Variants in PPFIA2 observed in about 807,000 individuals in gnomAD.
PPFIA2 encodes PPFI scaffold protein A2, also known as liprin-alpha-2.
Under a neutral mutation model 175.5 loss-of-function variants are expected in PPFIA2, and 46 were observed. That is an observed-to-expected ratio of 0.26 (90% confidence interval 0.21 to 0.34). The LOEUF (loss-of-function observed/expected upper bound fraction) is 0.34, where lower values mean the gene tolerates loss of function less well. Among genes scored for constraint, PPFIA2 ranks in the 10% least tolerant of loss-of-function variants. PPFIA2 has a pLI of 1.00. For synonymous variants in PPFIA2, 568 were observed against 511.4 expected (o/e 1.11, Z -1.49); for missense variants, 1,179 against 1,506.1 (o/e 0.78, Z 3.60).
At chr12:81,707,323 A>G (rs972517849) in intron 3 of PPFIA2, among the ~76,000 whole-genome samples, 2 of 152,230 alleles carry the variant, frequency 1.3e-5, no homozygotes, top group Admixed American at 1.3e-4. Context: ...ACAAATTTAC[A>G]AGAAAAAAAC....
intron 4 of PPFIA2, among the ~76,000 whole-genome samples, chr12:81,639,620 GT>G (rs2064670055): frequency 7.2e-6 from 1 of 139,546 alleles, no homozygotes; most frequent in Admixed American, 7.3e-5. Context: ...CAGGTGAAAT[GT>G]TTTTAGATTT....
chr12:81,731,249 A>C (rs1419486592), intron 3 of PPFIA2, among the ~76,000 whole-genome samples: 5 of 151,680 alleles, frequency 3.3e-5, no homozygotes, highest in Non-Finnish European at 7.4e-5. Context: ...CAGCAGTTAA[A>C]GGAAGGCTAT....
intron 3 of PPFIA2, among the ~76,000 whole-genome samples, chr12:81,707,843 T>TA (rs1223658536): frequency 3.3e-5 from 5 of 150,438 alleles, no homozygotes; most frequent in African/African-American, 1.2e-4. Context: ...TATGCAGCCA[T>TA]AAAAAATGAT....
At chr12:81,276,089 C>T (rs1007636931) in intron 28 of PPFIA2, among the ~76,000 whole-genome samples, 3 of 151,968 alleles carry the variant, frequency 2.0e-5, no homozygotes, top group Non-Finnish European at 4.4e-5. Context: ...TGGCCTTTTT[C>T]TTCTTTAAAC....
chr12:81,299,221 A>G lies in PPFIA2; in HGVS notation c.2724+80T>C, dbSNP rs1454860221. On this transcript the variant is annotated intron_variant, in intron 23 of 32. Transcript: ENST00000549396. Reference sequence around the variant, plus strand: ...GACTAAGGGGATGCTGTGATTTCAGAAACTTGCCGTTACCTGTCTCAAAAA... The same window carrying G: ...GACTAAGGGGATGCTGTGATTTCAGGAACTTGCCGTTACCTGTCTCAAAAA... 4 of 1,472,648 alleles carry G rather than the reference A, an allele frequency of 2.7e-6. No homozygotes were observed. The African/African-American group carries it at 5.6e-5, about 21-fold the overall frequency. The allele number at this position is 1,472,648 out of a possible 1,614,324, so 91.2% of individuals were successfully genotyped here. A position where few individuals can be genotyped will look rare whatever the true frequency, so the allele number is the denominator to read the frequency against.
At chr12:81,633,780 A>G (rs910427596) in intron 4 of PPFIA2, among the ~76,000 whole-genome samples, 1 of 152,106 alleles carries the variant, frequency 6.6e-6, no homozygotes, top group Non-Finnish European at 1.5e-5. Flanking sequence ...AAAATTAGCC[A>G]TAATTCCTTA....
chr12:81,696,387 T>C (rs1017747943), intron 3 of PPFIA2, among the ~76,000 whole-genome samples: 2 of 152,164 alleles, frequency 1.3e-5, no homozygotes, highest in African/African-American at 4.8e-5. Flanking sequence ...CTCTTAACTC[T>C]CATCATCCAG....
At chr12:81,263,148 C>A in intron 31 of PPFIA2, 83 bp downstream of exon 31, 1 of 1,335,168 alleles carries the variant, frequency 7.5e-7, no homozygotes, top group Non-Finnish European at 1.0e-6. Context: ...GAAAATAATT[C>A]CAAAAAGCAA....
At chr12:81,664,337 T>G (rs2069641135) in intron 4 of PPFIA2, among the ~76,000 whole-genome samples, 2 of 151,578 alleles carry the variant, frequency 1.3e-5, no homozygotes, top group Admixed American at 6.6e-5. Flanking sequence ...TCAAACAAAT[T>G]TACAAGAAAA....
chr12:81,643,127 A>G (rs993415418), intron 4 of PPFIA2, among the ~76,000 whole-genome samples: 5 of 150,248 alleles, frequency 3.3e-5, no homozygotes, highest in Non-Finnish European at 7.4e-5. Context: ...TTCTTAAAAC[A>G]TATATATCCA....
At chr12:81,325,383 T>A (rs1594828105) in intron 22 of PPFIA2, among the ~76,000 whole-genome samples, 1 of 152,122 alleles carries the variant, frequency 6.6e-6, no homozygotes, top group Non-Finnish European at 1.5e-5. Context: ...CAGAGAAATG[T>A]TTCTCCTTTA....
chr12:81,712,501 A>G (rs1319162475), intron 3 of PPFIA2, among the ~76,000 whole-genome samples: 1 of 151,258 alleles, frequency 6.6e-6, no homozygotes, highest in Non-Finnish European at 1.5e-5. Context: ...GTGTTGCCTA[A>G]GCTCCTAAAT....
intron 4 of PPFIA2, among the ~76,000 whole-genome samples, chr12:81,550,326 A>C (rs1477178145): frequency 6.6e-6 from 1 of 152,034 alleles, no homozygotes; most frequent in African/African-American, 2.4e-5. Flanking sequence ...AATGAATAAG[A>C]ATTTGCTAGG....
At chr12:81,298,687 C>A (rs2047078125) in intron 23 of PPFIA2, among the ~76,000 whole-genome samples, 1 of 152,166 alleles carries the variant, frequency 6.6e-6, no homozygotes, top group African/African-American at 2.4e-5. Context: ...TCTGCTGCCT[C>A]CTACACTGTT....
In PPFIA2 at chr12:81,261,968, CT is replaced by C; in HGVS notation, c.*13del. 2 of 1,600,602 alleles carry C rather than the reference CT, an allele frequency of 1.2e-6. No homozygotes were observed. The highest frequency in any genetic ancestry group is 1.1e-5 in the South Asian group (1 of 88,524). ...ACTCACAGCAGGTCAGTGCTGCCTC[CT>C]TTGAGTGGCTGGTCAACATGAGTAT... On this transcript the variant is annotated 3_prime_UTR_variant, in exon 32 of 33. Transcript: ENST00000549396.
intron 4 of PPFIA2, among the ~76,000 whole-genome samples, chr12:81,606,083 T>C (rs1202013129): frequency 6.6e-6 from 1 of 151,992 alleles, no homozygotes; most frequent in African/African-American, 2.4e-5. Flanking sequence ...TGGTTTTCTG[T>C]TTGTGTGCTA....
chr12:81,400,969 T>TG (rs1261938606), intron 8 of PPFIA2, among the ~76,000 whole-genome samples: 1 of 152,212 alleles, frequency 6.6e-6, no homozygotes, highest in Non-Finnish European at 1.5e-5. Context: ...TATAGTTAAG[T>TG]GTGACTACTG....
At chr12:81,412,927 G>A (rs2044259904) in intron 7 of PPFIA2, among the ~76,000 whole-genome samples, 1 of 151,830 alleles carries the variant, frequency 6.6e-6, no homozygotes, top group Non-Finnish European at 1.5e-5. Flanking sequence ...CATATAAAAA[G>A]TGCCGTCTTG....
intron 4 of PPFIA2, among the ~76,000 whole-genome samples, chr12:81,641,848 CTTA>C (rs2065011725): frequency 6.6e-6 from 1 of 152,150 alleles, no homozygotes; most frequent in Non-Finnish European, 1.5e-5. Context: ...GTCAGGGTGT[CTTA>C]TTATGCATCA....
Sources: gnomAD v4.1 joint callset for allele counts (sites outside exome capture counted in the v4.1 genomes callset) on GRCh38, gnomAD v4.1.1 for gene constraint, MANE v1.5 for transcripts, NCBI Gene and HGNC (gene_info 2026-07-23, HGNC 2026-07-21) for gene names.